The following VAPB variants were observed in gnomAD, a reference collection of about 807,000 sequenced individuals.
VAPB encodes the protein VAMP associated protein B and C, also known as vesicle-associated membrane protein-associated protein B/C.
Under a neutral mutation model 25.6 loss-of-function variants are expected in VAPB, and 7 were observed. The observed-to-expected ratio is 0.27, with a 90% CI of 0.16 to 0.51. VAPB has a LOEUF of 0.51. Ranked by LOEUF, VAPB falls within the 20% of genes least tolerant of loss-of-function variation. VAPB has a pLI of 0.97. For synonymous variants in VAPB, 112 were observed against 109.2 expected (o/e 1.03, Z -0.16); for missense variants, 266 against 301.3 (o/e 0.88, Z 0.87).
intron 1 of VAPB, among the ~76,000 whole-genome samples, chr20:58,405,343 G>A (rs910633239): frequency 2.0e-5 from 3 of 152,194 alleles, no homozygotes; most frequent in Non-Finnish European, 4.4e-5. Flanking sequence ...AGGGGCCTGC[G>A]GGGAGATGAG....
At chr20:58,442,793 C>A (rs921403637) in intron 5 of VAPB, among the ~76,000 whole-genome samples, 1 of 152,180 alleles carries the variant, frequency 6.6e-6, no homozygotes, top group Non-Finnish European at 1.5e-5. Context: ...GAGATAGCAA[C>A]AAATTGCAGG....
intron 1 of VAPB, among the ~76,000 whole-genome samples, chr20:58,392,970 T>A (rs1987845537): frequency 6.6e-6 from 1 of 152,186 alleles, no homozygotes; most frequent in Non-Finnish European, 1.5e-5. Context: ...AAGGTTGACT[T>A]TCATGAGATA....
At chr20:58,390,667 C>T (rs748272622) in intron 1 of VAPB, among the ~76,000 whole-genome samples, 2 of 152,170 alleles carry the variant, frequency 1.3e-5, no homozygotes, top group Non-Finnish European at 1.5e-5. Context: ...TCCACTATAT[C>T]GCTAGCACCG....
At chr20:58,422,876 C>G (rs913851830) in intron 2 of VAPB, among the ~76,000 whole-genome samples, 1 of 152,120 alleles carries the variant, frequency 6.6e-6, no homozygotes, top group African/African-American at 2.4e-5. Context: ...TGCAAAATAT[C>G]TGTGTGTGGA....
chr20:58,391,825 A>C (rs1987806238), intron 1 of VAPB, among the ~76,000 whole-genome samples: 1 of 152,162 alleles, frequency 6.6e-6, no homozygotes, highest in Non-Finnish European at 1.5e-5. Context: ...GAGCCCGGCC[A>C]CCACTAGTGG....
Position 58,446,816 on chromosome 20 carries a change from T to C in VAPB, c.*2581T>C, listed in dbSNP as rs1383016110. On this transcript the variant is annotated 3_prime_UTR_variant, in exon 6 of 6. Coordinates refer to ENST00000475243, the MANE Select transcript of VAPB (RefSeq NM_004738.5). ...TCAGTCATCCTGGCAGCCAAAAATGTGCCAGGAAAAGAAAGAATGTGGAGC... is the reference window on the plus strand; with the variant it reads ...TCAGTCATCCTGGCAGCCAAAAATGCGCCAGGAAAAGAAAGAATGTGGAGC... 2 of 453,982 alleles carry C rather than the reference T, an allele frequency of 4.4e-6. No individual in the cohort carries two copies. The highest frequency in any genetic ancestry group is 4.7e-5 in the Admixed American group (2 of 42,558). 28.1% of individuals were successfully genotyped at this position (453,982 alleles called of 1,614,324 possible). A position where few individuals can be genotyped will look rare whatever the true frequency, so the allele number is the denominator to read the frequency against.
At position 58,450,086 on chromosome 20, in the gene VAPB, C is replaced by A. The variant is rs772661395; in HGVS notation, c.*5851C>A. On this transcript the variant is annotated 3_prime_UTR_variant, in exon 6 of 6. Coordinates refer to ENST00000475243, the MANE Select transcript of VAPB (RefSeq NM_004738.5). ...GTGCACGTTTCACACGTTGACTTGC[C>A]GGTTTTTCCATGTCATACAAAAAAG... 32 of 453,882 alleles carry A rather than the reference C, an allele frequency of 7.1e-5. No individual in the cohort carries two copies. The highest frequency in any genetic ancestry group is 1.6e-4 in the Admixed American group (7 of 42,548). 28.1% of individuals were successfully genotyped at this position (453,882 alleles called of 1,614,324 possible).
intron 1 of VAPB, among the ~76,000 whole-genome samples, chr20:58,402,923 T>TGAAC (rs1419999201): frequency 6.6e-6 from 1 of 152,128 alleles, no homozygotes; most frequent in Non-Finnish European, 1.5e-5. Flanking sequence ...GAGAATCACT[T>TGAAC]GAACTCAGGA....
chr20:58,416,761 A>ATT (rs377235371), intron 1 of VAPB, among the ~76,000 whole-genome samples: 68 of 147,974 alleles, frequency 4.6e-4, no homozygotes, highest in East Asian at 1.2e-3. Flanking sequence ...TATCAGATTG[A>ATT]TTTTTTTTTT....
At chr20:58,389,587 G>C in intron 1 of VAPB, 70 bp downstream of exon 1, 1 of 1,488,092 alleles carries the variant, frequency 6.7e-7, no homozygotes, top group Admixed American at 2.2e-5. Context: ...GGAGCCCGGC[G>C]CGGCGGGTGA....
At chr20:58,391,979 T>C (rs1160112168) in intron 1 of VAPB, among the ~76,000 whole-genome samples, 1 of 152,228 alleles carries the variant, frequency 6.6e-6, no homozygotes, top group East Asian at 1.9e-4. Context: ...TTGCTTCTCC[T>C]TGAGCAGTCC....
intron 1 of VAPB, among the ~76,000 whole-genome samples, chr20:58,409,275 G>A (rs1988315704): frequency 6.6e-6 from 1 of 152,202 alleles, no homozygotes; most frequent in Non-Finnish European, 1.5e-5. Flanking sequence ...GGGGATTGGT[G>A]CACTGCAGAT....
At chr20:58,389,747 C>T (rs1217639164) in intron 1 of VAPB, among the ~76,000 whole-genome samples, 1 of 152,208 alleles carries the variant, frequency 6.6e-6, no homozygotes, top group Non-Finnish European at 1.5e-5. Flanking sequence ...GCCTCCTCCC[C>T]GACCCCCAGC....
In VAPB at chr20:58,419,547, C is replaced by A. The variant is rs540495658; in HGVS notation, c.211+1184C>A. Among the ~76,000 whole-genome samples, 8 of 152,330 alleles carry A rather than the reference C, an allele frequency of 5.3e-5. No individual in the cohort carries two copies. The South Asian group carries it at 1.7e-3, about 32-fold the overall frequency. On this transcript the variant is annotated intron_variant, in intron 2 of 5. Coordinates refer to ENST00000475243, the MANE Select transcript of VAPB (RefSeq NM_004738.5). ...ACCTGCCCTGTAAGGGATGCATTGT[C>A]ACCTCCATTTTACTAAGAAGTAGAC...
chr20:58,423,163 G>T (rs1283883430), intron 2 of VAPB, among the ~76,000 whole-genome samples: 1 of 151,982 alleles, frequency 6.6e-6, no homozygotes, highest in East Asian at 1.9e-4. Context: ...TGTAATCCCA[G>T]CACTTTGGGA....
chr20:58,413,321 GT>G (rs1335210888), intron 1 of VAPB, among the ~76,000 whole-genome samples: 13 of 151,346 alleles, frequency 8.6e-5, no homozygotes, highest in Admixed American at 6.6e-4. Flanking sequence ...GTGTCCCTGG[GT>G]ACTTGAGATT....
intron 1 of VAPB, among the ~76,000 whole-genome samples, chr20:58,392,689 A>G (rs1052631144): frequency 6.6e-6 from 1 of 152,210 alleles, no homozygotes; most frequent in Non-Finnish European, 1.5e-5. Flanking sequence ...TTACTTGAGA[A>G]GGTAATAACT....
chr20:58,436,575 C>T (rs965432058), intron 3 of VAPB, among the ~76,000 whole-genome samples: 7 of 152,132 alleles, frequency 4.6e-5, no homozygotes, highest in Non-Finnish European at 8.8e-5. Context: ...GATCTGCCCA[C>T]CTCAGCCTCC....
intron 2 of VAPB, among the ~76,000 whole-genome samples, chr20:58,426,490 A>G (rs1988785602): frequency 6.6e-6 from 1 of 152,122 alleles, no homozygotes; most frequent in African/African-American, 2.4e-5. Flanking sequence ...GACTTTGATG[A>G]TGATAGGAGA....
Sources: gnomAD v4.1 joint callset for allele counts (sites outside exome capture counted in the v4.1 genomes callset) on GRCh38, gnomAD v4.1.1 for gene constraint, MANE v1.5 for transcripts, NCBI Gene and HGNC (gene_info 2026-07-23, HGNC 2026-07-21) for gene names.